Variants in MTG1 observed in about 807,000 individuals in gnomAD.
The protein encoded by MTG1 is mitochondrial ribosome-associated GTPase 1.
In MTG1, 30 loss-of-function variants were observed where a neutral mutation model predicts 39.5. That is an observed-to-expected ratio of 0.76 (90% CI 0.57 to 1.03). The LOEUF (loss-of-function observed/expected upper bound fraction) is 1.03. MTG1 is among the 50% of genes least tolerant of loss of function. MTG1 has a pLI of 0.00. For missense variants in MTG1, 513 were observed against 447.4 expected (o/e 1.15, Z -1.32); for synonymous variants, 217 against 179.0 (o/e 1.21, Z -1.69).
rs1310681059 is a variant in MTG1 at position 133,421,683 on chromosome 10, G to T, written c.*1518G>T. The T allele has an allele frequency of 6.5e-6, 1 of 152,892 alleles. No individual in the cohort carries two copies. The highest frequency in any genetic ancestry group is 1.5e-5 in the Non-Finnish European group (1 of 68,252). 9.5% of individuals were successfully genotyped at this position (152,892 alleles called of 1,614,324 possible). A position where few individuals can be genotyped will look rare whatever the true frequency, so the allele number is the denominator to read the frequency against. The stretch of plus-strand genomic sequence containing the variant: ...TGTGGCTTAGTGCCCTGGAGCTAGA[G>T]AGCAGTGCTTGGTTGAGTCCTGCCA... On this transcript the variant is annotated 3_prime_UTR_variant, in exon 11 of 11. Transcript: ENST00000317502.
intron 6 of MTG1, 191 bp downstream of exon 6, chr10:133,399,810 C>A (rs1288505953): frequency 6.0e-6 from 3 of 498,790 alleles, no homozygotes; most frequent in Non-Finnish European, 1.1e-5. Flanking sequence ...GGGACCAGGT[C>A]GTTCTGTGAA....
chr10:133,394,644 CT>C, intron 1 of MTG1: 1 of 1,219,044 alleles, frequency 8.2e-7, no homozygotes, highest in African/African-American at 1.6e-5. Context: ...TCCTTCTGCC[CT>C]TTTAATCCCC....
chr10:133,399,371 G>A lies in MTG1; in HGVS notation c.420+145G>A, dbSNP rs566903106. The A allele has an allele frequency of 8.3e-6, 10 of 1,211,026 alleles. No homozygotes were observed. The African/African-American group carries it at 1.1e-4, about 13-fold the overall frequency. The allele number at this position is 1,211,026 out of a possible 1,614,324, so 75.0% of individuals were successfully genotyped here. A position where few individuals can be genotyped will look rare whatever the true frequency, so the allele number is the denominator to read the frequency against. On this transcript the variant is annotated intron_variant, in intron 5 of 10. Coordinates refer to ENST00000317502, the MANE Select transcript of MTG1 (RefSeq NM_138384.4). ...CCTCTCATTCTCTTCAGTGGAAAGG[G>A]CCGAGGCCGTCCCCGCTGGGTGGGC...
chr10:133,412,440 T>G (rs530418267), intron 9 of MTG1, among the ~76,000 whole-genome samples: 1 of 152,376 alleles, frequency 6.6e-6, no homozygotes, highest in South Asian at 2.1e-4. Context: ...TCTTTGTAGA[T>G]TCCAGTTAGA....
intron 9 of MTG1, among the ~76,000 whole-genome samples, chr10:133,411,408 A>G (rs1301283029): frequency 6.6e-6 from 1 of 152,064 alleles, no homozygotes; most frequent in Admixed American, 6.5e-5. Context: ...TGATTATTAT[A>G]TTCTGTAGGG....
chr10:133,418,042 C>T (rs529561974), intron 9 of MTG1, among the ~76,000 whole-genome samples: 21 of 152,280 alleles, frequency 1.4e-4, no homozygotes, highest in African/African-American at 5.1e-4. Context: ...CTCTGTCGCC[C>T]AGCCAGGCTA....
chr10:133,416,008 G>GTGTCGGGCAGGCGGT lies in MTG1; in HGVS notation c.753-3463_753-3462insGGCGGTTGTCGGGCA, dbSNP rs1223536290. On this transcript the variant is annotated intron_variant, in intron 9 of 10. Coordinates refer to ENST00000317502, the MANE Select transcript of MTG1 (RefSeq NM_138384.4). ...CGGCACGCGGGTGTCGGGCAGGCGGGTGTCGGGCACGTGGGTGTCGGGCAG... is the reference window on the plus strand; with the variant it reads ...CGGCACGCGGGTGTCGGGCAGGCGGGTGTCGGGCAGGCGGTTGTCGGGCACGTGGGTGTCGGGCAG... Among the ~76,000 whole-genome samples, 671 of 137,624 alleles carry GTGTCGGGCAGGCGGT rather than the reference G, an allele frequency of 4.9e-3. 3 individuals carry two copies. Among genetic ancestry groups the GTGTCGGGCAGGCGGT allele is most frequent in the Non-Finnish European group, 7.6e-3 (495 of 65,354 alleles). The allele number at this position is 137,624 out of a possible 152,430, so 90.3% of individuals were successfully genotyped here.
Position 133,401,066 on chromosome 10 carries a change from G to T in MTG1, c.512-463G>T, listed in dbSNP as rs928290720. 2.0e-5 allele frequency among the ~76,000 whole-genome samples: 3 copies of T among 152,332 alleles called. No individual in the cohort carries two copies. In the East Asian group the frequency reaches 5.8e-4, roughly 29 times the overall value. ...CCTCCTTGGGACACACCCTGAGCTG[G>T]GTCCTAGAGCAGCCAGTCGCCTGTG... On this transcript the variant is annotated intron_variant, in intron 6 of 10. Coordinates refer to ENST00000317502, the MANE Select transcript of MTG1 (RefSeq NM_138384.4).
At chr10:133,396,449 C>G (rs1322975549) in intron 3 of MTG1, among the ~76,000 whole-genome samples, 182 bp downstream of exon 3, 1 of 152,198 alleles carries the variant, frequency 6.6e-6, no homozygotes, top group Non-Finnish European at 1.5e-5. Context: ...GTGCCCCCAT[C>G]TAATGTGTGG....
intron 4 of MTG1, 57 bp from the exon 5 acceptor site, chr10:133,399,113 G>C: frequency 6.3e-7 from 1 of 1,585,668 alleles, no homozygotes; most frequent in Non-Finnish European, 8.7e-7. Context: ...CAGAAGGAGC[G>C]GGTCAGTGCA....
At chr10:133,406,115 G>A (rs1474486150) in intron 9 of MTG1, among the ~76,000 whole-genome samples, 1 of 152,068 alleles carries the variant, frequency 6.6e-6, no homozygotes, top group Non-Finnish European at 1.5e-5. Flanking sequence ...TCATACACTT[G>A]TTGGCCATTT....
intron 1 of MTG1, among the ~76,000 whole-genome samples, chr10:133,395,277 C>G (rs1285341479): frequency 1.3e-5 from 2 of 152,154 alleles, no homozygotes; most frequent in African/African-American, 2.4e-5. Flanking sequence ...TCCCTGTAGT[C>G]CCAGCTACTC....
chr10:133,402,911 G>A lies in MTG1; in HGVS notation c.752+138G>A. ...ACCTGCACATCGTTTAAAGCGTCCA[G>A]TTGGACAAGTTCGGGAGTATGGCTA... On this transcript the variant is annotated intron_variant, in intron 9 of 10. Transcript: ENST00000317502. The surrounding 1 kb of genome is among the most constrained non-coding windows in gnomAD (Gnocchi z 4.7). 1 of 662,788 alleles carries A rather than the reference G, an allele frequency of 1.5e-6. No individual in the cohort carries two copies. Among genetic ancestry groups the A allele is most frequent in the Non-Finnish European group, 2.5e-6 (1 of 394,482 alleles). 41.1% of individuals were successfully genotyped at this position (662,788 alleles called of 1,614,324 possible). A position where few individuals can be genotyped will look rare whatever the true frequency, so the allele number is the denominator to read the frequency against.
intron 7 of MTG1, chr10:133,401,886 C>T (rs953213014): frequency 4.8e-5 from 29 of 603,662 alleles, no homozygotes; most frequent in African/African-American, 3.9e-4. Context: ...CCCCGCCCCA[C>T]CCTCCACTCC....
At chr10:133,410,043 CTG>C (rs1328361109) in intron 9 of MTG1, among the ~76,000 whole-genome samples, 2 of 151,842 alleles carry the variant, frequency 1.3e-5, no homozygotes, top group Admixed American at 6.6e-5. Context: ...TTTAGCCACT[CTG>C]TGTTTTTTGC....
At chr10:133,417,205 G>A (rs1346040602) in intron 9 of MTG1, among the ~76,000 whole-genome samples, 1 of 151,930 alleles carries the variant, frequency 6.6e-6, no homozygotes, top group East Asian at 1.9e-4. Context: ...TCATCCCTGG[G>A]ATGCAAGGCT....
Position 133,420,377 on chromosome 10 carries a change from T to A in MTG1, c.*212T>A. The A allele has an allele frequency of 2.0e-6, 1 of 505,332 alleles. No individual in the cohort carries two copies. The highest frequency in any genetic ancestry group is 3.9e-5 in the South Asian group (1 of 25,728). The allele number at this position is 505,332 out of a possible 1,614,324, so 31.3% of individuals were successfully genotyped here. A position where few individuals can be genotyped will look rare whatever the true frequency, so the allele number is the denominator to read the frequency against. ...TGGACACCAGGCTTCCCAGTGGACG[T>A]CCCTGAGCAGCTCCGCATGCTTGGT... On this transcript the variant is annotated 3_prime_UTR_variant, in exon 11 of 11. Coordinates refer to ENST00000317502, the MANE Select transcript of MTG1 (RefSeq NM_138384.4).
rs547645103 is a variant in MTG1, at chr10:133,396,380, C to A, written c.282+113C>A. 3.5e-5 allele frequency: 33 copies of A among 931,366 alleles called. No homozygotes were observed. In the African/African-American group the frequency reaches 5.2e-4, roughly 15 times the overall value. The allele number at this position is 931,366 out of a possible 1,614,324, so 57.7% of individuals were successfully genotyped here. A position where few individuals can be genotyped will look rare whatever the true frequency, so the allele number is the denominator to read the frequency against. ...ACTTGTCAGTTTGCCCAGGCAGGCT[C>A]TGCTTTAGAAACAGCCCTTTGCTTT... On this transcript the variant is annotated intron_variant, in intron 3 of 10. Transcript: ENST00000317502.
Position 133,402,827 on chromosome 10 carries a change from TAAA to T in MTG1, c.752+64_752+66del. ...GGCCCCTCCTCCTAGTCACCTCATT[TAAA>T]AAAAAAAAACAAACAAAAAAACCCC... On this transcript the variant is annotated intron_variant, in intron 9 of 10. Coordinates refer to ENST00000317502, the MANE Select transcript of MTG1 (RefSeq NM_138384.4). This position sits in a 1 kb window ranked among gnomAD's most constrained non-coding sequence, Gnocchi z 4.7. 3 of 1,031,256 alleles carry T rather than the reference TAAA, an allele frequency of 2.9e-6. No individual in the cohort carries two copies. The highest frequency in any genetic ancestry group is 2.7e-6 in the Non-Finnish European group (2 of 742,716). 63.9% of individuals were successfully genotyped at this position (1,031,256 alleles called of 1,614,324 possible).
Sources: allele counts gnomAD v4.1 joint callset (sites outside exome capture counted in the v4.1 genomes callset), GRCh38; gene constraint gnomAD v4.1.1; non-coding constraint Gnocchi (gnomAD v3.1); transcripts MANE v1.5; gene names NCBI Gene and HGNC (gene_info 2026-07-23, HGNC 2026-07-21).